ERBB4: variants seen among roughly 807,000 people sequenced by gnomAD.
ERBB4 encodes the protein receptor tyrosine-protein kinase erbB-4.
A neutral mutation model predicts 158.0 loss-of-function variants in ERBB4; 42 were observed. The ratio of observed to expected loss-of-function variants is 0.27; its 90% CI spans 0.21 to 0.34. The LOEUF (loss-of-function observed/expected upper bound fraction) is 0.34. ERBB4 is among the 10% of genes least tolerant of loss of function. The pLI, the probability that ERBB4 is intolerant of heterozygous loss-of-function variation, is 1.00. For synonymous variants in ERBB4, 583 were observed against 558.7 expected (o/e 1.04, Z -0.61); for missense variants, 1,333 against 1,624.1 (o/e 0.82, Z 3.08).
intron 5 of ERBB4, among the ~76,000 whole-genome samples, chr2:211,727,912 T>G (rs1388909810): frequency 6.6e-6 from 1 of 151,970 alleles, no homozygotes; most frequent in Non-Finnish European, 1.5e-5. Context: ...TATAGAAGAT[T>G]TGGAAAATAA....
chr2:212,093,403 A>T (rs1326229298), intron 2 of ERBB4, among the ~76,000 whole-genome samples: 1 of 152,226 alleles, frequency 6.6e-6, no homozygotes, highest in African/African-American at 2.4e-5. Context: ...CAACAATAAC[A>T]ACAAGAAACA....
chr2:212,287,298 C>A (rs533347492), intron 1 of ERBB4, among the ~76,000 whole-genome samples: 125 of 152,220 alleles, frequency 8.2e-4, no homozygotes, highest in African/African-American at 2.7e-3. Context: ...CAGCCAGTCA[C>A]ACTTGTAAGA....
intron 1 of ERBB4, among the ~76,000 whole-genome samples, chr2:212,183,911 T>C (rs145077013): frequency 2.0e-5 from 3 of 152,246 alleles, no homozygotes; most frequent in African/African-American, 7.2e-5. Flanking sequence ...TCTATTCTTT[T>C]TCATTTTGAA....
At chr2:211,743,382 A>C (rs1287908454) in intron 5 of ERBB4, among the ~76,000 whole-genome samples, 3 of 152,146 alleles carry the variant, frequency 2.0e-5, no homozygotes, top group African/African-American at 7.2e-5. Context: ...CAGGTCTAGC[A>C]GGACAAAAGG....
chr2:212,328,224 G>A lies in ERBB4; in HGVS notation c.83-203321C>T, dbSNP rs115529103. Among the ~76,000 whole-genome samples the A allele has an allele frequency of 1.4e-3, 219 of 152,124 alleles. 3 individuals are homozygous for A. The highest frequency in any genetic ancestry group is 5.1e-3 in the African/African-American group (210 of 41,542). ...GACTAGGACTACTAGCAAGGAGCAT[G>A]TACCTGAGGCCTTTCTGTGCAGCTT... is the stretch of plus-strand genomic sequence containing the variant. On this transcript the variant is annotated intron_variant, in intron 1 of 27. Coordinates refer to ENST00000342788, the MANE Select transcript of ERBB4 (RefSeq NM_005235.3).
intron 12 of ERBB4, among the ~76,000 whole-genome samples, chr2:211,684,361 G>A (rs1574981421): frequency 6.6e-6 from 1 of 152,102 alleles, no homozygotes; most frequent in African/African-American, 2.4e-5. Context: ...TGAAGAGGGA[G>A]AATCGCTTGA....
chr2:212,458,743 A>T (rs1688427707), intron 1 of ERBB4, among the ~76,000 whole-genome samples: 1 of 152,190 alleles, frequency 6.6e-6, no homozygotes, highest in Admixed American at 6.5e-5. Flanking sequence ...TGTGGGCAAC[A>T]AATAAGGCAG....
intron 3 of ERBB4, among the ~76,000 whole-genome samples, chr2:211,884,395 T>G (rs777696419): frequency 7.9e-5 from 12 of 152,178 alleles, no homozygotes; most frequent in Non-Finnish European, 1.6e-4. Context: ...ACCCTGACTA[T>G]GAAAATGTAC....
chr2:212,339,599 G>A (rs79064701), intron 1 of ERBB4, among the ~76,000 whole-genome samples: 2,198 of 152,202 alleles, frequency 0.014, 54 homozygotes, highest in African/African-American at 0.05. Context: ...CCTGACCAAG[G>A]TCAGAGAATT....
chr2:212,113,870 G>A (rs1359000900), intron 2 of ERBB4, among the ~76,000 whole-genome samples: 1 of 152,130 alleles, frequency 6.6e-6, no homozygotes, highest in Non-Finnish European at 1.5e-5. Flanking sequence ...AGGTACTACA[G>A]ATTCTGCAAG....
chr2:211,991,464 T>C (rs2082074000), intron 2 of ERBB4, among the ~76,000 whole-genome samples: 1 of 152,136 alleles, frequency 6.6e-6, no homozygotes. Flanking sequence ...AAGGTAAGAA[T>C]GCAAAATAAT....
At chr2:212,229,853 C>T (rs181803125) in intron 1 of ERBB4, among the ~76,000 whole-genome samples, 28 of 152,208 alleles carry the variant, frequency 1.8e-4, no homozygotes, top group Admixed American at 1.6e-3. Context: ...CTGACTCATG[C>T]CATTCTTTGG....
intron 1 of ERBB4, among the ~76,000 whole-genome samples, chr2:212,336,118 G>GA (rs889352792): frequency 3.3e-5 from 5 of 151,754 alleles, no homozygotes; most frequent in East Asian, 1.9e-4. Context: ...TGTTCCACAG[G>GA]AAAAAAAATT....
chr2:211,558,442 A>C (rs1267625673), intron 20 of ERBB4, among the ~76,000 whole-genome samples: 3 of 152,142 alleles, frequency 2.0e-5, no homozygotes, highest in Non-Finnish European at 4.4e-5. Context: ...GGATAATCTC[A>C]TCTCAAGATC....
intron 2 of ERBB4, among the ~76,000 whole-genome samples, chr2:212,050,325 G>A (rs180687422): frequency 1.5e-3 from 227 of 152,226 alleles, no homozygotes; most frequent in Admixed American, 7.3e-3. Flanking sequence ...ACATCTTAAT[G>A]CACATATCTA....
At chr2:211,917,611 C>T (rs1269040864) in intron 3 of ERBB4, among the ~76,000 whole-genome samples, 1 of 152,126 alleles carries the variant, frequency 6.6e-6, no homozygotes, top group Non-Finnish European at 1.5e-5. Context: ...AGCCTCTTAA[C>T]TATAACTCTA....
At chr2:212,286,158 T>C (rs1006716299) in intron 1 of ERBB4, among the ~76,000 whole-genome samples, 1 of 152,166 alleles carries the variant, frequency 6.6e-6, no homozygotes, top group African/African-American at 2.4e-5. Flanking sequence ...CAGGGTTACT[T>C]GTTAACAAAA....
chr2:211,898,003 A>T (rs2079144116), intron 3 of ERBB4, among the ~76,000 whole-genome samples: 1 of 151,834 alleles, frequency 6.6e-6, no homozygotes, highest in South Asian at 2.1e-4. Context: ...AGTTCAAGGG[A>T]TCCTCCTGTC....
intron 1 of ERBB4, among the ~76,000 whole-genome samples, chr2:212,451,907 A>C (rs1347280869): frequency 6.6e-6 from 1 of 152,164 alleles, no homozygotes; most frequent in Non-Finnish European, 1.5e-5. Flanking sequence ...ACTGGGTTGA[A>C]ATGAAGGTTG....
Sources: gnomAD v4.1 joint callset for allele counts (sites outside exome capture counted in the v4.1 genomes callset) on GRCh38, gnomAD v4.1.1 for gene constraint, MANE v1.5 for transcripts, NCBI Gene and HGNC (gene_info 2026-07-23, HGNC 2026-07-21) for gene names.